The following HENMT1 variants were observed in gnomAD, a reference collection of about 807,000 sequenced individuals.
HENMT1 encodes HEN methyltransferase 1, also known as small RNA 2'-O-methyltransferase.
Under a neutral mutation model 31.1 loss-of-function variants are expected in HENMT1, and 27 were observed. The observed-to-expected ratio is 0.87, with a 90% CI of 0.64 to 1.20. The LOEUF is 1.20. HENMT1 is among the 50% of genes most tolerant of loss of function. The pLI is 0.00. For missense variants in HENMT1, 438 were observed against 469.6 expected (o/e 0.93, Z 0.62); for synonymous variants, 167 against 172.2 (o/e 0.97, Z 0.24).
intron 7 of HENMT1, chr1:108,649,373 G>C (rs1306346049): frequency 2.2e-6 from 1 of 459,492 alleles, no homozygotes; most frequent in Non-Finnish European, 4.4e-6. Flanking sequence ...AGATGGGGCA[G>C]GAGGATTGCT....
At chr1:108,657,884 A>G (rs1180316370) in intron 2 of HENMT1, among the ~76,000 whole-genome samples, 3 of 151,984 alleles carry the variant, frequency 2.0e-5, no homozygotes, top group Non-Finnish European at 4.4e-5. Flanking sequence ...TCCTAACCAT[A>G]AGGGACCTTT....
At position 108,650,285 on chromosome 1, in the gene HENMT1, T is replaced by C. The variant is rs201778068; in HGVS notation, c.682A>G (p.Ile228Val). The stretch of plus-strand genomic sequence containing the variant: ...GCCTTTCCTCCATTTTTCCGGAAGA[T>C]TCCTATCTGGGTACAGTATCCAACA... ...ENVGYCTQIG[I>V]FRKNGGKATE... Residue 228 changes from isoleucine to valine, a missense_variant, in exon 7 of 8, where the codon ATC becomes GTC. Physicochemically the swap from Ile to Val is conservative, Grantham distance 29. Transcript: ENST00000651461. The C allele has an allele frequency of 5.0e-6, 8 of 1,614,138 alleles. No individual in the cohort carries two copies. Among genetic ancestry groups the C allele is most frequent in the Middle Eastern group, 1.6e-4 (1 of 6,062 alleles).
In HENMT1 at chr1:108,655,718, T is replaced by C. The variant is rs767442596; in HGVS notation, c.151-20A>G. ...TGCAACCTGTAGATGAGACAGAATG[T>C]TATTTCAAAGACATTTATAGCAAGA... On this transcript the variant is annotated intron_variant, in intron 3 of 7. Coordinates refer to ENST00000651461, the MANE Select transcript of HENMT1 (RefSeq NM_001102592.2). 6.6e-7 allele frequency: 1 copy of C among 1,526,628 alleles called. No individual in the cohort carries two copies. The highest frequency in any genetic ancestry group is 1.9e-5 in the Admixed American group (1 of 53,900). 94.6% of individuals were successfully genotyped at this position (1,526,628 alleles called of 1,614,324 possible). A position where few individuals can be genotyped will look rare whatever the true frequency, so the allele number is the denominator to read the frequency against.
In HENMT1 at chr1:108,660,939, A is replaced by G. The variant is rs1189785791; in HGVS notation, c.-79+24T>C. The G allele has an allele frequency of 1.0e-5, 10 of 976,932 alleles. No individual in the cohort carries two copies. The African/African-American group carries it at 1.8e-4, about 17-fold the overall frequency. 60.5% of individuals were successfully genotyped at this position (976,932 alleles called of 1,614,324 possible). A position where few individuals can be genotyped will look rare whatever the true frequency, so the allele number is the denominator to read the frequency against. Reference sequence around the variant, plus strand: ...ACTCCGTCTCAAAAAAAAAAAAAGAAAAAGAAAAAGAAACCCTGCTCACTG... The same window carrying G: ...ACTCCGTCTCAAAAAAAAAAAAAGAGAAAGAAAAAGAAACCCTGCTCACTG... On this transcript the variant is annotated intron_variant, in intron 1 of 7. Transcript: ENST00000651461.
Position 108,648,965 on chromosome 1 carries a change from TA to T in HENMT1, c.782del (p.Leu261TyrfsTer22). The T allele has an allele frequency of 6.2e-7, 1 of 1,607,290 alleles. No homozygotes were observed. Among genetic ancestry groups the T allele is most frequent in the Non-Finnish European group, 8.5e-7 (1 of 1,175,346 alleles). Reference sequence around the variant, plus strand: ...CAAGTTTAAAGAACCTTTCCTGCTGTAAGCTTGGGTATGAGGTGGTAAAAAC... The same window carrying T: ...CAAGTTTAAAGAACCTTTCCTGCTGTAGCTTGGGTATGAGGTGGTAAAAAC... ...KAVFTTSYPSLQQERFFKLVL... is the reference protein window; with the variant it reads ...KAVFTTSYPSXQQERFFKLVL... On this transcript the variant is annotated frameshift_variant, in exon 8 of 8. Transcript: ENST00000651461. LOFTEE classifies it low-confidence loss of function (END_TRUNC).
At chr1:108,658,495 G>A (rs1050747642) in intron 2 of HENMT1, among the ~76,000 whole-genome samples, 8 of 152,166 alleles carry the variant, frequency 5.3e-5, no homozygotes, top group African/African-American at 1.9e-4. Context: ...TAAAATTCCT[G>A]GGCTCAAGCA....
chr1:108,651,926 A>G (rs1658070163), intron 5 of HENMT1, among the ~76,000 whole-genome samples: 1 of 152,200 alleles, frequency 6.6e-6, no homozygotes, highest in East Asian at 1.9e-4. Flanking sequence ...CCCTGATATA[A>G]TGCATCAAGG....
intron 1 of HENMT1, among the ~76,000 whole-genome samples, chr1:108,660,699 C>T (rs1658430467): frequency 6.6e-6 from 1 of 151,936 alleles, no homozygotes; most frequent in South Asian, 2.1e-4. Context: ...CCGAGGCGGG[C>T]GGATCACGAG....
Position 108,658,779 on chromosome 1 carries a change from CAGTCCTCAATAA to C in HENMT1, c.21+1073_21+1084del, listed in dbSNP as rs541737872. On this transcript the variant is annotated intron_variant, in intron 2 of 7. Transcript: ENST00000651461. ...CATCTTTGCAATGTTCTTATTGCAA[CAGTCCTCAATAA>C]AGTCAGACTAATTTTTTCTTTAACA... is the stretch of plus-strand genomic sequence containing the variant. Among the ~76,000 whole-genome samples, 1,187 of 152,330 alleles carry C rather than the reference CAGTCCTCAATAA, an allele frequency of 7.8e-3. 15 individuals carry two copies. Among genetic ancestry groups the C allele is most frequent in the African/African-American group, 0.027 (1,122 of 41,584 alleles).
intron 5 of HENMT1, among the ~76,000 whole-genome samples, chr1:108,652,930 T>C (rs1327042427): frequency 6.6e-6 from 1 of 151,200 alleles, no homozygotes; most frequent in Non-Finnish European, 1.5e-5. Context: ...GGCAACAGTG[T>C]TTCTATGCCT....
chr1:108,652,697 C>G (rs557069217), intron 5 of HENMT1, among the ~76,000 whole-genome samples: 151 of 152,268 alleles, frequency 9.9e-4, no homozygotes, highest in Non-Finnish European at 1.9e-3. Context: ...GTAATACCAG[C>G]ACTTTGGGAG....
At chr1:108,658,905 G>A (rs1260645438) in intron 2 of HENMT1, among the ~76,000 whole-genome samples, 1 of 151,736 alleles carries the variant, frequency 6.6e-6, no homozygotes, top group Non-Finnish European at 1.5e-5. Context: ...TAGTCCAAAG[G>A]GTATTTGATA....
At chr1:108,651,714 GAAAGAA>G (rs1201637523) in intron 5 of HENMT1, among the ~76,000 whole-genome samples, 4 of 143,682 alleles carry the variant, frequency 2.8e-5, no homozygotes, top group Non-Finnish European at 4.5e-5. Context: ...GAGACAGACA[GAAAGAA>G]AGAGAAAGAG....
intron 5 of HENMT1, 123 bp downstream of exon 5, chr1:108,654,593 C>T: frequency 2.2e-6 from 2 of 911,298 alleles, no homozygotes; most frequent in East Asian, 2.7e-5. Context: ...AAAGATATTC[C>T]CAACCAATGA....
intron 5 of HENMT1, among the ~76,000 whole-genome samples, chr1:108,652,726 C>T (rs1380965581): frequency 6.6e-6 from 1 of 152,068 alleles, no homozygotes; most frequent in East Asian, 2.0e-4. Flanking sequence ...GGGCAGATTA[C>T]GAGGTCAGGG....
In HENMT1 at chr1:108,655,575, C is replaced by CT. The variant is rs758638249; in HGVS notation, c.263+10dup. On this transcript the variant is annotated intron_variant, in intron 4 of 7. Transcript: ENST00000651461. ...GATTAACGCATAATTCTTTCAGAAA[C>CT]TAAGTATTACCCTCTCCATCGTAAT... 2.6e-5 allele frequency: 37 copies of CT among 1,432,768 alleles called. No individual in the cohort carries two copies. The highest frequency in any genetic ancestry group is 1.7e-4 in the Admixed American group (9 of 53,656). 88.8% of individuals were successfully genotyped at this position (1,432,768 alleles called of 1,614,324 possible).
At chr1:108,658,143 T>TTTTC (rs1553183834) in intron 2 of HENMT1, among the ~76,000 whole-genome samples, 14 of 148,030 alleles carry the variant, frequency 9.5e-5, no homozygotes, top group African/African-American at 3.5e-4. Context: ...ATTTTTTTTT[T>TTTTC]CCCCCCAAGA....
At chr1:108,661,367 G>A (rs1036376397), upstream of HENMT1, 1 of 152,254 alleles carries the variant, frequency 6.6e-6, no homozygotes, top group Non-Finnish European at 1.5e-5. Flanking sequence ...CGCCTGCCGC[G>A]CCGTTGACCC....
rs1049229038 is a variant in HENMT1 at position 108,648,504 on chromosome 1, A to C, written c.*62T>G. On this transcript the variant is annotated 3_prime_UTR_variant, in exon 8 of 8. Transcript: ENST00000651461. ...CTTGAATTAGGATTACACAAAAAAA[A>C]CTAAATTCTAAGTGAGCACAACTAT... The C allele has an allele frequency of 7.1e-7, 1 of 1,409,556 alleles. No individual in the cohort carries two copies. Among genetic ancestry groups the C allele is most frequent in the Non-Finnish European group, 9.7e-7 (1 of 1,035,456 alleles). 87.3% of individuals were successfully genotyped at this position (1,409,556 alleles called of 1,614,324 possible).
Sources: gnomAD v4.1 joint callset for allele counts (sites outside exome capture counted in the v4.1 genomes callset) on GRCh38, gnomAD v4.1.1 for gene constraint, MANE v1.5 for transcripts, NCBI Gene and HGNC (gene_info 2026-07-23, HGNC 2026-07-21) for gene names.